Variants in DISC1 observed in about 807,000 individuals in gnomAD.
The protein encoded by DISC1 is DISC1 scaffold protein, also known as disrupted in schizophrenia 1 protein.
DISC1 carries 57 observed loss-of-function variants against 84.5 expected under a neutral mutation model. That is an observed-to-expected ratio of 0.67 (90% CI 0.55 to 0.84). The LOEUF is 0.84. DISC1 is among the 40% of genes least tolerant of loss of function. The pLI, the probability that DISC1 is intolerant of heterozygous loss-of-function variation, is 0.00. For missense variants in DISC1, 1,000 were observed against 1,057.8 expected (o/e 0.95, Z 0.76); for synonymous variants, 411 against 415.2 (o/e 0.99, Z 0.12).
chr1:231,640,970 T>C (rs1005892150), intron 1 of DISC1, among the ~76,000 whole-genome samples: 1 of 152,204 alleles, frequency 6.6e-6, no homozygotes, highest in Admixed American at 6.5e-5. Context: ...TTTCCAGCCT[T>C]AGGACAAATG....
At chr1:231,900,483 A>C (rs2088079860) in intron 9 of DISC1, among the ~76,000 whole-genome samples, 1 of 152,212 alleles carries the variant, frequency 6.6e-6, no homozygotes, top group Non-Finnish European at 1.5e-5. Context: ...AACAAAACTG[A>C]GAGAGTTCCC....
chr1:231,959,482 G>A (rs1660086022), intron 10 of DISC1: 4 of 985,562 alleles, frequency 4.1e-6, no homozygotes, highest in Non-Finnish European at 4.8e-6. Flanking sequence ...AAGGCAACAA[G>A]TACTAGAGTG....
intron 9 of DISC1, among the ~76,000 whole-genome samples, chr1:231,864,508 A>G (rs1216550777): frequency 6.6e-6 from 1 of 152,050 alleles, no homozygotes; most frequent in Non-Finnish European, 1.5e-5. Flanking sequence ...TTAAAAATAC[A>G]AAAAATTAGC....
At chr1:231,927,711 G>A (rs1430767083) in intron 9 of DISC1, among the ~76,000 whole-genome samples, 1 of 152,220 alleles carries the variant, frequency 6.6e-6, no homozygotes, top group Non-Finnish European at 1.5e-5. Context: ...AAAGGGCCCT[G>A]ATAAAATGCG....
In DISC1 at chr1:231,680,242, C is replaced by CA. The variant is rs2063557315; in HGVS notation, c.68-13578dup. Among the ~76,000 whole-genome samples the CA allele has an allele frequency of 2.6e-5, 4 of 152,052 alleles. No homozygotes were observed. The South Asian group carries it at 8.3e-4, about 32-fold the overall frequency. ...GACTCTTGTCAAAAAAACAAACAAA[C>CA]AAAAAACCAAAACTTGGAAAGTATA... is the stretch of plus-strand genomic sequence containing the variant. On this transcript the variant is annotated intron_variant, in intron 1 of 12. Coordinates refer to ENST00000439617, the MANE Select transcript of DISC1 (RefSeq NM_018662.3).
intron 9 of DISC1, among the ~76,000 whole-genome samples, chr1:231,844,324 TG>T (rs2083292742): frequency 6.6e-6 from 1 of 152,168 alleles, no homozygotes; most frequent in Non-Finnish European, 1.5e-5. Flanking sequence ...ACAGGTTTAT[TG>T]TAGAGGATAC....
chr1:231,849,137 T>TTTTA, intron 9 of DISC1, among the ~76,000 whole-genome samples: 1 of 151,280 alleles, frequency 6.6e-6, no homozygotes. Flanking sequence ...TTTTTTTTTT[T>TTTTA]GAGACAGAAT....
At chr1:231,736,512 T>C (rs1349237617) in intron 3 of DISC1, among the ~76,000 whole-genome samples, 1 of 152,222 alleles carries the variant, frequency 6.6e-6, no homozygotes, top group Non-Finnish European at 1.5e-5. Flanking sequence ...TAGCAGATGC[T>C]CAAAAATGAT....
At chr1:231,849,538 G>C (rs563530775) in intron 9 of DISC1, among the ~76,000 whole-genome samples, 1 of 152,162 alleles carries the variant, frequency 6.6e-6, no homozygotes, top group Non-Finnish European at 1.5e-5. Flanking sequence ...ATGGTGGTGT[G>C]TGTGTGTGGT....
intron 10 of DISC1, among the ~76,000 whole-genome samples, chr1:232,005,370 A>G (rs780652320): frequency 3.9e-5 from 6 of 152,268 alleles, no homozygotes; most frequent in Non-Finnish European, 7.4e-5. Context: ...AGCATTTTAA[A>G]GATGTTTTAT....
chr1:231,760,631 C>A (rs1027142041), intron 4 of DISC1, among the ~76,000 whole-genome samples: 3 of 152,194 alleles, frequency 2.0e-5, no homozygotes, highest in African/African-American at 7.2e-5. Context: ...TTCTGGTACT[C>A]TAACAACATT....
Position 231,815,878 on chromosome 1 carries a change from A to G in DISC1, c.1793-2451A>G, listed in dbSNP as rs562076054. 1.8e-4 allele frequency among the ~76,000 whole-genome samples: 28 copies of G among 152,238 alleles called. No homozygotes were observed. The South Asian group carries it at 5.6e-3, about 30-fold the overall frequency. The stretch of plus-strand genomic sequence containing the variant: ...TGCATCTTCCTGCTGATGGATATTT[A>G]GGTTGCTTCCAGTATGGGGCTGGCT... On this transcript the variant is annotated intron_variant, in intron 8 of 12. Coordinates refer to ENST00000439617, the MANE Select transcript of DISC1 (RefSeq NM_018662.3).
chr1:231,956,117 TAC>T (rs1183729805), intron 9 of DISC1, among the ~76,000 whole-genome samples: 1 of 152,194 alleles, frequency 6.6e-6, no homozygotes, highest in African/African-American at 2.4e-5. Flanking sequence ...GAAGGAATGC[TAC>T]ACAGAGGCCA....
At chr1:231,626,970 G>T in intron 1 of DISC1, 36 bp downstream of exon 1, 1 of 1,425,798 alleles carries the variant, frequency 7.0e-7, no homozygotes, top group Non-Finnish European at 9.2e-7. Context: ...GCACGTCCTG[G>T]GGGGGTCCTG....
At chr1:231,878,697 A>G (rs942391923) in intron 9 of DISC1, among the ~76,000 whole-genome samples, 1 of 152,024 alleles carries the variant, frequency 6.6e-6, no homozygotes, top group African/African-American at 2.4e-5. Context: ...AGCTGGGTGA[A>G]TTTCATTGTG....
chr1:231,978,540 G>C (rs1663145478), intron 10 of DISC1, among the ~76,000 whole-genome samples: 1 of 152,258 alleles, frequency 6.6e-6, no homozygotes, highest in Non-Finnish European at 1.5e-5. Context: ...TGGTTTTCTA[G>C]CATCCTACAA....
chr1:231,829,517 A>G (rs544023696), intron 9 of DISC1, among the ~76,000 whole-genome samples: 1 of 152,166 alleles, frequency 6.6e-6, no homozygotes, highest in East Asian at 1.9e-4. Context: ...GGCATGTGCC[A>G]CCATGGCCTG....
intron 10 of DISC1, among the ~76,000 whole-genome samples, chr1:231,974,758 C>A (rs1188732162): frequency 1.3e-5 from 2 of 152,154 alleles, no homozygotes; most frequent in African/African-American, 4.8e-5. Flanking sequence ...TAATACCAAT[C>A]TATATAGTAA....
chr1:231,750,768 C>G (rs1286616553), intron 4 of DISC1: 1 of 189,468 alleles, frequency 5.3e-6, no homozygotes, highest in Non-Finnish European at 9.8e-6. Context: ...TTCCCTTTCT[C>G]CCTAGGTAAA....
Sources: allele counts gnomAD v4.1 joint callset (sites outside exome capture counted in the v4.1 genomes callset), GRCh38; gene constraint gnomAD v4.1.1; transcripts MANE v1.5; gene names NCBI Gene and HGNC (gene_info 2026-07-23, HGNC 2026-07-21).